Variants in TLN2 observed in about 807,000 individuals in gnomAD.
The protein encoded by TLN2 is talin 2, also known as talin-2.
In TLN2, 118 loss-of-function variants were observed where a neutral mutation model predicts 294.7. The observed-to-expected ratio is 0.40, with a 90% CI of 0.34 to 0.47. TLN2 has a LOEUF of 0.47. TLN2 is among the 20% of genes least tolerant of loss of function. TLN2 has a pLI of 0.84. For missense variants in TLN2, 3,083 were observed against 3,282.2 expected (o/e 0.94, Z 1.48); for synonymous variants, 1,431 against 1,304.5 (o/e 1.10, Z -2.09).
intron 1 of TLN2, among the ~76,000 whole-genome samples, chr15:62,527,510 A>G (rs1195002722): frequency 1.3e-5 from 2 of 152,224 alleles, no homozygotes; most frequent in Admixed American, 6.5e-5. Context: ...GGTGACAGCA[A>G]TATGTCACAG....
At chr15:62,694,574 T>A (rs2058187975) in intron 14 of TLN2, among the ~76,000 whole-genome samples, 182 bp downstream of exon 14, 2 of 152,196 alleles carry the variant, frequency 1.3e-5, no homozygotes, top group African/African-American at 4.8e-5. Context: ...AGACGTCTCG[T>A]GAGGGAGGCT....
Position 62,443,511 on chromosome 15 carries a change from T to G in TLN2, c.-238+52826T>G, listed in dbSNP as rs541514836. Among the ~76,000 whole-genome samples the G allele has an allele frequency of 5.2e-4, 79 of 152,324 alleles. 1 individual carries two copies. The highest frequency in any genetic ancestry group is 3.4e-3 in the Middle Eastern group (1 of 294). On this transcript the variant is annotated intron_variant, in intron 1 of 58. Coordinates refer to ENST00000636159, the MANE Select transcript of TLN2 (RefSeq NM_015059.3). ...CTGTAAAGGAAGATTTCTTTTCCTC[T>G]TCATCAATTTGTATTCCCAGCTACC...
chr15:62,647,701 G>C (rs531717661), intron 4 of TLN2, among the ~76,000 whole-genome samples: 2 of 152,278 alleles, frequency 1.3e-5, no homozygotes, highest in East Asian at 3.9e-4. Flanking sequence ...ATGCTCTGCG[G>C]TTTACAGATC....
intron 12 of TLN2, among the ~76,000 whole-genome samples, chr15:62,690,980 G>C (rs1025567728): frequency 1.3e-5 from 2 of 148,726 alleles, no homozygotes; most frequent in Admixed American, 6.7e-5. Context: ...TCCAGCTTCG[G>C]CTCGGCATCA....
intron 1 of TLN2, among the ~76,000 whole-genome samples, chr15:62,408,831 T>C (rs937345359): frequency 6.6e-6 from 1 of 152,172 alleles, no homozygotes; most frequent in Non-Finnish European, 1.5e-5. Context: ...CTTTTTCTTT[T>C]TTTTAATTTG....
intron 7 of TLN2, among the ~76,000 whole-genome samples, chr15:62,654,356 G>A (rs1596513019): frequency 6.6e-6 from 1 of 152,310 alleles, no homozygotes; most frequent in Middle Eastern, 3.4e-3. Context: ...CAGTGGTGAT[G>A]TGCACTTCCA....
intron 19 of TLN2, among the ~76,000 whole-genome samples, chr15:62,703,602 GAC>G (rs748715423): frequency 0.073 from 9,354 of 127,290 alleles, 345 homozygotes; most frequent in African/African-American, 0.12. Flanking sequence ...TGTTTACTTC[GAC>G]ACACACACAC....
intron 1 of TLN2, among the ~76,000 whole-genome samples, chr15:62,534,504 A>G (rs979784030): frequency 1.1e-4 from 17 of 152,292 alleles, no homozygotes; most frequent in African/African-American, 4.1e-4. Context: ...CTCCGGGTGG[A>G]TGCACCACCC....
chr15:62,403,652 T>C (rs1324237197), intron 1 of TLN2, among the ~76,000 whole-genome samples: 1 of 152,216 alleles, frequency 6.6e-6, no homozygotes, highest in African/African-American at 2.4e-5. Flanking sequence ...GCTTTCTCTT[T>C]GGAACCCTTC....
chr15:62,466,889 G>A (rs1163077887), intron 1 of TLN2, among the ~76,000 whole-genome samples: 1 of 152,208 alleles, frequency 6.6e-6, no homozygotes, highest in East Asian at 1.9e-4. Flanking sequence ...TTTTGCAAAT[G>A]GCTGTGAATG....
At position 62,741,748 on chromosome 15, in the gene TLN2, C is replaced by CGCGCGTGTGT; in HGVS notation, c.4025+980_4025+981insCGCGTGTGTG. 9.8e-3 allele frequency among the ~76,000 whole-genome samples: 1,291 copies of CGCGCGTGTGT among 131,148 alleles called. 13 individuals are homozygous for CGCGCGTGTGT. The highest frequency in any genetic ancestry group is 0.013 in the Middle Eastern group (3 of 236). 86.0% of individuals were successfully genotyped at this position (131,148 alleles called of 152,430 possible). ...TTAACTTGGTTTTTTAAAATTTGCG[C>CGCGCGTGTGT]GTGTGTGTGTGTGTGTGTGTCTTTA... On this transcript the variant is annotated intron_variant, in intron 32 of 58. Coordinates refer to ENST00000636159, the MANE Select transcript of TLN2 (RefSeq NM_015059.3).
At chr15:62,553,700 T>C (rs886306810) in intron 1 of TLN2, among the ~76,000 whole-genome samples, 2 of 152,214 alleles carry the variant, frequency 1.3e-5, no homozygotes, top group Non-Finnish European at 2.9e-5. Flanking sequence ...GCATCTATAT[T>C]AAATACCCCT....
chr15:62,583,695 C>G (rs1001906786), intron 1 of TLN2, among the ~76,000 whole-genome samples: 2 of 152,126 alleles, frequency 1.3e-5, no homozygotes, highest in East Asian at 3.8e-4. Flanking sequence ...TTAAGAACAG[C>G]TTATTTATTC....
At chr15:62,405,552 T>A (rs933940124) in intron 1 of TLN2, among the ~76,000 whole-genome samples, 1 of 152,220 alleles carries the variant, frequency 6.6e-6, no homozygotes, top group Admixed American at 6.5e-5. Flanking sequence ...TTTTCTGGCA[T>A]TTTCCCAATG....
chr15:62,478,094 G>A (rs2037881459), intron 1 of TLN2, among the ~76,000 whole-genome samples: 1 of 152,172 alleles, frequency 6.6e-6, no homozygotes, highest in African/African-American at 2.4e-5. Context: ...GGCTAAGTGT[G>A]TGGCACACGT....
intron 54 of TLN2, among the ~76,000 whole-genome samples, chr15:62,822,372 T>TA (rs1372161301): frequency 1.3e-5 from 2 of 152,124 alleles, no homozygotes; most frequent in African/African-American, 4.8e-5. Context: ...ATGCCTGAAA[T>TA]AAAAATTATT....
chr15:62,761,724 G>T lies in TLN2; in HGVS notation c.4682G>T (p.Arg1561Leu), dbSNP rs376520234. Residue 1561 changes from arginine to leucine, a missense_variant, in exon 38 of 59, where the codon CGC (arginine) becomes CTC (leucine). Arg to Leu is a moderately radical substitution (Grantham distance 102, BLOSUM62 -2). Coordinates refer to ENST00000636159, the MANE Select transcript of TLN2 (RefSeq NM_015059.3). Reference sequence around the variant, plus strand: ...TCTGAAGACAACCGCAATAAGTGTCGCATCGCCACCGCACCCTTGATTGAA... The same window carrying T: ...TCTGAAGACAACCGCAATAAGTGTCTCATCGCCACCGCACCCTTGATTGAA... ...DFSEDNRNKC[R>L]IATAPLIEAV... 4 of 1,614,012 alleles carry T rather than the reference G, an allele frequency of 2.5e-6. No homozygotes were observed. The highest frequency in any genetic ancestry group is 3.4e-6 in the Non-Finnish European group (4 of 1,180,036).
At chr15:62,673,583 T>G (rs999810733) in intron 9 of TLN2, among the ~76,000 whole-genome samples, 1 of 151,234 alleles carries the variant, frequency 6.6e-6, no homozygotes, top group Admixed American at 6.6e-5. Context: ...TTTTTTTCAC[T>G]TTACAATAGA....
At chr15:62,827,700 T>C (rs1230435590) in intron 54 of TLN2, 1 of 152,200 alleles carries the variant, frequency 6.6e-6, no homozygotes, top group Non-Finnish European at 1.5e-5. Context: ...TTATTGGAAT[T>C]ATGGATACAT....
Sources: gnomAD v4.1 joint callset for allele counts (sites outside exome capture counted in the v4.1 genomes callset) on GRCh38, gnomAD v4.1.1 for gene constraint, MANE v1.5 for transcripts, NCBI Gene and HGNC (gene_info 2026-07-23, HGNC 2026-07-21) for gene names.